Variants in CERT1 observed in about 807,000 individuals in gnomAD.
CERT1 encodes ceramide transfer protein.
CERT1 carries 31 observed loss-of-function variants against 87.9 expected under a neutral mutation model. The ratio of observed to expected loss-of-function variants is 0.35; its 90% CI spans 0.27 to 0.48. The LOEUF is 0.48. Ranked by LOEUF, CERT1 falls within the 20% of genes least tolerant of loss-of-function variation. CERT1 has a pLI of 0.99. For synonymous variants in CERT1, 289 were observed against 250.9 expected, an observed-to-expected ratio of 1.15 and a Z score of -1.44; for missense variants, 487 against 758.0, an observed-to-expected ratio of 0.64 and a Z score of 4.20.
At chr5:75,474,691 C>T (rs1022351797) in intron 2 of CERT1, among the ~76,000 whole-genome samples, 5 of 151,928 alleles carry the variant, frequency 3.3e-5, no homozygotes, top group African/African-American at 1.2e-4. Context: ...ACATGCAGAA[C>T]AATGAAATTA....
chr5:75,419,172 T>C (rs1763267423), intron 6 of CERT1, among the ~76,000 whole-genome samples, 169 bp downstream of exon 6: 3 of 152,232 alleles, frequency 2.0e-5, no homozygotes. Context: ...CATTATTACA[T>C]AATGTCAGAA....
intron 2 of CERT1, among the ~76,000 whole-genome samples, chr5:75,495,045 C>T (rs1580853107): frequency 6.6e-6 from 1 of 152,308 alleles, no homozygotes; most frequent in East Asian, 1.9e-4. Flanking sequence ...TATCACTTTA[C>T]AGACTGCCTT....
intron 3 of CERT1, among the ~76,000 whole-genome samples, chr5:75,433,132 T>TA (rs1763942975): frequency 6.6e-6 from 1 of 152,244 alleles, no homozygotes; most frequent in African/African-American, 2.4e-5. Flanking sequence ...GGTAGTGTGA[T>TA]ACCTCCAGCT....
chr5:75,495,759 G>A (rs1416662936), intron 2 of CERT1, among the ~76,000 whole-genome samples: 1 of 152,124 alleles, frequency 6.6e-6, no homozygotes, highest in African/African-American at 2.4e-5. Context: ...AGTGAGAAAT[G>A]TTGCCTCTAT....
At chr5:75,493,792 G>A (rs1766923515) in intron 2 of CERT1, among the ~76,000 whole-genome samples, 1 of 151,972 alleles carries the variant, frequency 6.6e-6, no homozygotes, top group African/African-American at 2.4e-5. Flanking sequence ...CTGTTCAGAT[G>A]TTAGAACTCC....
Position 75,511,279 on chromosome 5 carries a change from G to A in CERT1, c.-72C>T. The A allele has an allele frequency of 6.3e-7, 1 of 1,581,906 alleles. No homozygotes were observed. The highest frequency in any genetic ancestry group is 8.6e-7 in the Non-Finnish European group (1 of 1,164,124). On this transcript the variant is annotated 5_prime_UTR_variant, in exon 1 of 17. Coordinates refer to ENST00000643780, the MANE Select transcript of CERT1 (RefSeq NM_001379029.1). The stretch of plus-strand genomic sequence containing the variant: ...GCGCCGGAGGAGGCGCCCAGTCCTC[G>A]GGGTGAAGGGTCGGGGGATGGCGAA...
chr5:75,422,732 T>C (rs1763440966), intron 5 of CERT1, among the ~76,000 whole-genome samples: 1 of 152,206 alleles, frequency 6.6e-6, no homozygotes, highest in African/African-American at 2.4e-5. Flanking sequence ...AAGTCCTTAA[T>C]CTCCAGTACC....
At chr5:75,419,993 T>G (rs1045975938) in intron 5 of CERT1, among the ~76,000 whole-genome samples, 1 of 151,702 alleles carries the variant, frequency 6.6e-6, no homozygotes, top group Non-Finnish European at 1.5e-5. Context: ...TTTTTTTTTT[T>G]GTAGATGGAG....
intron 5 of CERT1, among the ~76,000 whole-genome samples, chr5:75,424,070 G>A (rs1285236430): frequency 1.3e-5 from 2 of 152,172 alleles, no homozygotes; most frequent in Non-Finnish European, 1.5e-5. Flanking sequence ...TAAATTAAGT[G>A]AAAAAGCTGA....
At chr5:75,407,569 C>G (rs1411120514) in intron 8 of CERT1, among the ~76,000 whole-genome samples, 4 of 148,120 alleles carry the variant, frequency 2.7e-5, no homozygotes, top group African/African-American at 1.0e-4. Context: ...AAGAAAACAA[C>G]CAAAGGACAT....
chr5:75,511,979 T>G (rs1247097571), upstream of CERT1: 4 of 629,106 alleles, frequency 6.4e-6, no homozygotes, highest in Admixed American at 1.3e-4. Flanking sequence ...GTGGGCTTCG[T>G]TTGACAGTTG....
At chr5:75,453,346 A>G (rs1435442054) in intron 3 of CERT1, among the ~76,000 whole-genome samples, 2 of 152,186 alleles carry the variant, frequency 1.3e-5, no homozygotes, top group African/African-American at 4.8e-5. Context: ...ATTCCTACAA[A>G]GAAGTTTAAT....
intron 3 of CERT1, among the ~76,000 whole-genome samples, chr5:75,450,686 C>T (rs1764735646): frequency 6.6e-6 from 1 of 152,164 alleles, no homozygotes; most frequent in South Asian, 2.1e-4. Context: ...TCCACAATCC[C>T]TTATCTTAAC....
intron 2 of CERT1, among the ~76,000 whole-genome samples, chr5:75,501,881 A>G (rs1197642232): frequency 1.3e-5 from 2 of 152,208 alleles, no homozygotes; most frequent in Non-Finnish European, 2.9e-5. Flanking sequence ...AGATGAAAAT[A>G]TATCTACATT....
intron 16 of CERT1, among the ~76,000 whole-genome samples, chr5:75,380,078 T>C (rs1006501011): frequency 2.6e-5 from 4 of 152,198 alleles, no homozygotes; most frequent in African/African-American, 9.7e-5. Context: ...TATAATGAAA[T>C]AGTAACTTAC....
intron 3 of CERT1, among the ~76,000 whole-genome samples, chr5:75,438,064 T>C (rs1031929859): frequency 6.6e-6 from 1 of 152,108 alleles, no homozygotes; most frequent in Non-Finnish European, 1.5e-5. Flanking sequence ...AATAGAGCTA[T>C]TTCAAATCAT....
chr5:75,476,834 T>C (rs757343005), intron 2 of CERT1, among the ~76,000 whole-genome samples: 50 of 152,080 alleles, frequency 3.3e-4, no homozygotes, highest in Middle Eastern at 3.4e-3. Context: ...ACTGATGCCT[T>C]GTTCTGCGTA....
In CERT1 at chr5:75,505,988, G is replaced by C. The variant is rs1767634006; in HGVS notation, c.225C>G (p.Val75=). The C allele has an allele frequency of 6.2e-7, 1 of 1,612,752 alleles. No individual in the cohort carries two copies. Among genetic ancestry groups the C allele is most frequent in the Non-Finnish European group, 8.5e-7 (1 of 1,179,182 alleles). The change falls in exon 2 of 17, where the codon GTC becomes GTG. Residue 75 remains valine (V), a synonymous_variant. Transcript: ENST00000643780. ...CRGSICLSKA[V]ITPHDFDECR... ...AAGAAGAAAAGGAACTTACTGTGAT[G>C]ACAGCCTTGCTAAGACAGATGGATC...
chr5:75,479,603 T>G (rs1449323038), intron 2 of CERT1, among the ~76,000 whole-genome samples: 2 of 152,210 alleles, frequency 1.3e-5, no homozygotes, highest in African/African-American at 2.4e-5. Flanking sequence ...TCCACGTTCC[T>G]GCAAAAGACG....
Sources: allele counts gnomAD v4.1 joint callset (sites outside exome capture counted in the v4.1 genomes callset), GRCh38; gene constraint gnomAD v4.1.1; transcripts MANE v1.5; gene names NCBI Gene and HGNC (gene_info 2026-07-23, HGNC 2026-07-21).